Variants in WT1 observed in about 807,000 individuals in gnomAD.
The protein encoded by WT1 is WT1 transcription factor, also known as Wilms tumor protein.
In WT1, 8 loss-of-function variants were observed where a neutral mutation model predicts 60.8. That is an observed-to-expected ratio of 0.13 (90% CI 0.08 to 0.24). The LOEUF (loss-of-function observed/expected upper bound fraction) is 0.24. Among genes scored for constraint, WT1 ranks in the 10% least tolerant of loss-of-function variants. The probability of loss-of-function intolerance (pLI) is 1.00; values close to 1 mark genes in which losing one functional copy is unlikely to be tolerated. For synonymous variants in WT1, 312 were observed against 297.1 expected, an observed-to-expected ratio of 1.05 and a Z score of -0.52; for missense variants, 568 against 711.8, an observed-to-expected ratio of 0.80 and a Z score of 2.30.
Position 32,389,054 on chromosome 11 carries a change from C to G in WT1, c.*4G>C, listed in dbSNP as rs750842875. Reference sequence around the variant, plus strand: ...GACACTGAACGGTCCCCGAGGGAGACCCCTCAAAGCGCCAGCTGGAGTTTG... The same window carrying G: ...GACACTGAACGGTCCCCGAGGGAGAGCCCTCAAAGCGCCAGCTGGAGTTTG... On this transcript the variant is annotated 3_prime_UTR_variant, in exon 10 of 10. Coordinates refer to ENST00000452863, the MANE Select transcript of WT1 (RefSeq NM_024426.6). The G allele has an allele frequency of 1.2e-6, 2 of 1,614,216 alleles. No individual in the cohort carries two copies. The highest frequency in any genetic ancestry group is 3.3e-5 in the Admixed American group (2 of 60,024).
At chr11:32,433,703 G>A (rs1009250427) in intron 1 of WT1, among the ~76,000 whole-genome samples, 1 of 152,252 alleles carries the variant, frequency 6.6e-6, no homozygotes, top group Admixed American at 6.5e-5. Flanking sequence ...CCGCAGGTTC[G>A]GGTCCGCGCC....
intron 3 of WT1, among the ~76,000 whole-genome samples, chr11:32,425,185 A>G (rs1488698222): frequency 5.3e-5 from 8 of 151,686 alleles, no homozygotes; most frequent in African/African-American, 1.7e-4. Flanking sequence ...GAAAAGAAAA[A>G]AAAAAAAAAA....
At chr11:32,416,563 G>A (rs1450250599) in intron 4 of WT1, 23 bp from the exon 5 acceptor site, 2 of 1,614,100 alleles carry the variant, frequency 1.2e-6, no homozygotes, top group Admixed American at 1.7e-5. Context: ...AAGAGGTGGG[G>A]AGTGGGGAAT....
intron 3 of WT1, among the ~76,000 whole-genome samples, chr11:32,420,828 T>C (rs1316264414): frequency 2.0e-5 from 3 of 152,002 alleles, no homozygotes; most frequent in Non-Finnish European, 4.4e-5. Flanking sequence ...AAGGGCAGAG[T>C]GCCAAGATCC....
intron 1 of WT1, among the ~76,000 whole-genome samples, chr11:32,432,726 T>G (rs886086156): frequency 2.0e-5 from 3 of 152,086 alleles, no homozygotes; most frequent in African/African-American, 7.2e-5. Context: ...GCCTGCTGGC[T>G]GCAAAACCCA....
intron 5 of WT1, among the ~76,000 whole-genome samples, chr11:32,402,908 C>A (rs1241655402): frequency 6.6e-6 from 1 of 152,080 alleles, no homozygotes; most frequent in Non-Finnish European, 1.5e-5. Flanking sequence ...TAAAGTTCTG[C>A]CATCGAAGGG....
intron 5 of WT1, among the ~76,000 whole-genome samples, chr11:32,404,268 CAAA>C (rs61611336): frequency 2.6e-3 from 232 of 89,258 alleles, no homozygotes; most frequent in Admixed American, 6.3e-3. Flanking sequence ...GACTCTGTCT[CAAA>C]AAAAAAAAAA....
chr11:32,430,545 A>G (rs2133086204), intron 1 of WT1: 2 of 1,609,018 alleles, frequency 1.2e-6, no homozygotes, highest in Non-Finnish European at 1.7e-6. Flanking sequence ...TCCATTCCTG[A>G]GCCCAGGAGT....
In WT1 at chr11:32,388,324, G is replaced by A. The variant is rs1167928628; in HGVS notation, c.*734C>T. The A allele has an allele frequency of 4.3e-6, 1 of 233,648 alleles. No individual in the cohort carries two copies. The highest frequency in any genetic ancestry group is 2.2e-5 in the African/African-American group (1 of 45,346). The allele number at this position is 233,648 out of a possible 1,614,324, so 14.5% of individuals were successfully genotyped here. ...ACACATATGATTACCACTCAAAAGA[G>A]TCAAAAACATACACAAAAAAATCTC... On this transcript the variant is annotated 3_prime_UTR_variant, in exon 10 of 10. Coordinates refer to ENST00000452863, the MANE Select transcript of WT1 (RefSeq NM_024426.6).
At chr11:32,410,460 A>T (rs1432846858) in intron 5 of WT1, among the ~76,000 whole-genome samples, 1 of 152,154 alleles carries the variant, frequency 6.6e-6, no homozygotes, top group Non-Finnish European at 1.5e-5. Flanking sequence ...CATCTGTTTC[A>T]GGCTTTTGTC....
rs535330558 is a variant in WT1 at position 32,429,252 on chromosome 11, C to T, written c.662-633G>A. On this transcript the variant is annotated intron_variant, in intron 1 of 9. Transcript: ENST00000452863. ...CCCTTCCAGTTGGGCCTTCAGATGG[C>T]GACCCTGCGCTCTCCTCCTCCTCCC... Among the ~76,000 whole-genome samples the T allele has an allele frequency of 3.9e-5, 6 of 152,294 alleles. No homozygotes were observed. In the East Asian group the frequency reaches 7.7e-4, roughly 20 times the overall value.
intron 5 of WT1, among the ~76,000 whole-genome samples, chr11:32,412,490 G>A (rs971732616): frequency 1.3e-5 from 2 of 152,060 alleles, no homozygotes; most frequent in Admixed American, 1.3e-4. Flanking sequence ...AGTCAAGGTT[G>A]ATGTGTTTCT....
In WT1 at chr11:32,428,700, G is replaced by A. The variant is rs944339650; in HGVS notation, c.662-81C>T. ...AGTGGGTCTGAACCAGCCACGGGCGGGGGGGGTGTGCGCTGAACCCCGCAT... is the reference window on the plus strand; with the variant it reads ...AGTGGGTCTGAACCAGCCACGGGCGAGGGGGGTGTGCGCTGAACCCCGCAT... On this transcript the variant is annotated intron_variant, in intron 1 of 9. Coordinates refer to ENST00000452863, the MANE Select transcript of WT1 (RefSeq NM_024426.6). The A allele has an allele frequency of 3.2e-6, 5 of 1,549,634 alleles. No homozygotes were observed. The South Asian group carries it at 3.5e-5, about 11-fold the overall frequency.
In WT1 at chr11:32,428,555, C is replaced by A. The variant is rs1473494675; in HGVS notation, c.726G>T (p.Ala242=). 1.2e-6 allele frequency: 2 copies of A among 1,614,074 alleles called. No homozygotes were observed. Among genetic ancestry groups the A allele is most frequent in the Non-Finnish European group, 1.7e-6 (2 of 1,180,024 alleles). ...GCTTGAATGAGTGGTTGGGGAACTGCGCCGCATGGTGCGAGGGCGTGTGAC... is the reference window on the plus strand; with the variant it reads ...GCTTGAATGAGTGGTTGGGGAACTGAGCCGCATGGTGCGAGGGCGTGTGAC... Residue 242 remains alanine (A), a synonymous_variant, in exon 2 of 10, where the codon GCG becomes GCT. Transcript: ENST00000452863.
At chr11:32,432,418 C>G (rs1246752947) in intron 1 of WT1, among the ~76,000 whole-genome samples, 1 of 152,226 alleles carries the variant, frequency 6.6e-6, no homozygotes, top group African/African-American at 2.4e-5. Context: ...CGAGGGCCAC[C>G]CTTGCCCACT....
At chr11:32,425,865 T>G (rs1242909381) in intron 3 of WT1, among the ~76,000 whole-genome samples, 1 of 152,198 alleles carries the variant, frequency 6.6e-6, no homozygotes, top group Non-Finnish European at 1.5e-5. Flanking sequence ...ATGAAGTGCT[T>G]AATACAGTGG....
intron 4 of WT1, among the ~76,000 whole-genome samples, chr11:32,417,133 TG>T (rs1852699721): frequency 6.6e-6 from 1 of 152,186 alleles, no homozygotes; most frequent in Non-Finnish European, 1.5e-5. Flanking sequence ...AAAACCCTGT[TG>T]GTGCAATCAG....
chr11:32,434,482 A>C (rs1022383738), intron 1 of WT1, among the ~76,000 whole-genome samples: 1 of 152,190 alleles, frequency 6.6e-6, no homozygotes, highest in African/African-American at 2.4e-5. Context: ...TCAGGCTCCT[A>C]GCTCTGCCTG....
At chr11:32,390,089 G>A (rs5030307) in intron 9 of WT1, among the ~76,000 whole-genome samples, 1 of 152,208 alleles carries the variant, frequency 6.6e-6, no homozygotes, top group African/African-American at 2.4e-5. Flanking sequence ...CAGGTCTGTC[G>A]AATTCCAGAG....
Sources: allele counts gnomAD v4.1 joint callset (sites outside exome capture counted in the v4.1 genomes callset), GRCh38; gene constraint gnomAD v4.1.1; transcripts MANE v1.5; gene names NCBI Gene and HGNC (gene_info 2026-07-23, HGNC 2026-07-21).